Variants in FOXO3 observed in about 807,000 individuals in gnomAD.
FOXO3 encodes the protein forkhead box protein O3.
FOXO3 carries 4 observed loss-of-function variants against 41.9 expected under a neutral mutation model. The ratio of observed to expected loss-of-function variants is 0.10; its 90% CI spans 0.05 to 0.22. FOXO3 has a LOEUF of 0.22. Ranked by LOEUF, FOXO3 falls within the 10% of genes least tolerant of loss-of-function variation. The pLI, the probability that FOXO3 is intolerant of heterozygous loss-of-function variation, is 1.00. For synonymous variants in FOXO3, 318 were observed against 389.3 expected (o/e 0.82, Z 2.16); for missense variants, 534 against 906.8 (o/e 0.59, Z 5.28).
chr6:108,653,543 A>C (rs4946932), intron 1 of FOXO3, among the ~76,000 whole-genome samples: 83,889 of 151,944 alleles, frequency 0.55, 26,169 homozygotes, highest in East Asian at 0.69. Flanking sequence ...TTTGGTCCTC[A>C]GGGTCTGCGA....
At chr6:108,650,175 G>GTAA in intron 1 of FOXO3, among the ~76,000 whole-genome samples, 1 of 152,276 alleles carries the variant, frequency 6.6e-6, no homozygotes, top group South Asian at 2.1e-4. Context: ...AAGGTCAGGG[G>GTAA]TCCTGCATCC....
chr6:108,618,361 G>A, intron 1 of FOXO3: 1 of 545,188 alleles, frequency 1.8e-6, no homozygotes, highest in Non-Finnish European at 3.4e-6. Context: ...CACATGAGCA[G>A]CACCAGGAGC....
At chr6:108,650,285 A>T (rs1778512125) in intron 1 of FOXO3, among the ~76,000 whole-genome samples, 1 of 151,486 alleles carries the variant, frequency 6.6e-6, no homozygotes, top group African/African-American at 2.4e-5. Context: ...TCACCCTCCA[A>T]CTCTCCACCG....
chr6:108,624,975 T>G (rs1467393685), intron 1 of FOXO3, among the ~76,000 whole-genome samples: 1 of 152,070 alleles, frequency 6.6e-6, no homozygotes, highest in Non-Finnish European at 1.5e-5. Flanking sequence ...AGAGATGGGA[T>G]ATTGCTTTGT....
chr6:108,596,880 G>A (rs1019301582), intron 1 of FOXO3, among the ~76,000 whole-genome samples: 1 of 152,148 alleles, frequency 6.6e-6, no homozygotes, highest in South Asian at 2.1e-4. Context: ...AGCTCAAAGG[G>A]ATGCTTTTTT....
At chr6:108,669,648 A>G (rs1425397772) in intron 2 of FOXO3, among the ~76,000 whole-genome samples, 1 of 152,186 alleles carries the variant, frequency 6.6e-6, no homozygotes, top group East Asian at 1.9e-4. Context: ...GGATCTTTTT[A>G]GTGTCGATGA....
At chr6:108,622,871 C>T (rs1437927363) in intron 1 of FOXO3, among the ~76,000 whole-genome samples, 3 of 150,464 alleles carry the variant, frequency 2.0e-5, no homozygotes, top group Non-Finnish European at 2.9e-5. Flanking sequence ...CTGTGGCTCT[C>T]GTTCAGGCAT....
At chr6:108,666,965 AG>A (rs1229100754) in intron 2 of FOXO3, among the ~76,000 whole-genome samples, 1 of 152,158 alleles carries the variant, frequency 6.6e-6, no homozygotes, top group Non-Finnish European at 1.5e-5. Context: ...GGGAATTCAA[AG>A]CTGTAAAAAC....
chr6:108,643,996 T>C lies in FOXO3; in HGVS notation c.622-19459T>C, dbSNP rs189348480. ...TTCCTGTGGCCGTTGTTACCCAGTG[T>C]AGTCGTAGAGCCTGTAGGATTGTTT... is the stretch of plus-strand genomic sequence containing the variant. On this transcript the variant is annotated intron_variant, in intron 1 of 2. Coordinates refer to ENST00000406360, the MANE Select transcript of FOXO3 (RefSeq NM_001455.4). Among the ~76,000 whole-genome samples the C allele has an allele frequency of 3.2e-3, 487 of 152,362 alleles. 7 individuals are homozygous for C. Among genetic ancestry groups the C allele is most frequent in the South Asian group, 1.0e-3 (5 of 4,832 alleles).
intron 1 of FOXO3, among the ~76,000 whole-genome samples, chr6:108,649,261 A>G (rs181640528): frequency 1.3e-5 from 2 of 152,240 alleles, no homozygotes; most frequent in East Asian, 1.9e-4. Flanking sequence ...ATCTTAAATC[A>G]TTTGTAATAG....
intron 1 of FOXO3, among the ~76,000 whole-genome samples, chr6:108,658,797 A>G (rs1203869412): frequency 3.3e-5 from 5 of 152,252 alleles, no homozygotes; most frequent in African/African-American, 1.2e-4. Context: ...AAAGAAAGAC[A>G]AGTAAGTCCT....
chr6:108,673,543 T>C (rs1770442255), intron 2 of FOXO3, among the ~76,000 whole-genome samples: 1 of 152,240 alleles, frequency 6.6e-6, no homozygotes, highest in South Asian at 2.1e-4. Flanking sequence ...ACTAGCTGAT[T>C]CTGTGTTTTC....
At chr6:108,571,778 C>T (rs1220456822) in intron 1 of FOXO3, among the ~76,000 whole-genome samples, 5 of 152,090 alleles carry the variant, frequency 3.3e-5, no homozygotes. Context: ...TTGTTTTAAG[C>T]CCTGAAATTC....
intron 1 of FOXO3, among the ~76,000 whole-genome samples, chr6:108,576,062 T>G (rs1776253589): frequency 6.6e-6 from 1 of 152,226 alleles, no homozygotes; most frequent in African/African-American, 2.4e-5. Flanking sequence ...CTTAAGCTCA[T>G]GATAGATAAT....
At chr6:108,580,183 A>ATTTTTTTTTTTTTT (rs11395032) in intron 1 of FOXO3, among the ~76,000 whole-genome samples, 1 of 93,072 alleles carries the variant, frequency 1.1e-5, no homozygotes, top group African/African-American at 4.2e-5. Flanking sequence ...GCTCTTCTTC[A>ATTTTTTTTTTTTTT]TTTTTTTTTT....
chr6:108,569,910 G>A (rs753839162), intron 1 of FOXO3, among the ~76,000 whole-genome samples: 6 of 149,658 alleles, frequency 4.0e-5, no homozygotes, highest in African/African-American at 9.9e-5. Flanking sequence ...TTTTCAGTAC[G>A]TGTTTAGGAA....
At chr6:108,569,179 G>T (rs941140580) in intron 1 of FOXO3, among the ~76,000 whole-genome samples, 1 of 152,218 alleles carries the variant, frequency 6.6e-6, no homozygotes, top group Non-Finnish European at 1.5e-5. Context: ...TATGAAAGGA[G>T]AGGAGATAGC....
At chr6:108,606,984 A>G (rs764060624) in intron 1 of FOXO3, among the ~76,000 whole-genome samples, 12 of 152,144 alleles carry the variant, frequency 7.9e-5, no homozygotes, top group Admixed American at 2.6e-4. Context: ...AAACAAATGA[A>G]CCCTTGGGAT....
chr6:108,574,152 CAAA>C (rs1200932714), intron 1 of FOXO3, among the ~76,000 whole-genome samples: 8 of 72,786 alleles, frequency 1.1e-4, no homozygotes, highest in Admixed American at 2.7e-4. Flanking sequence ...GACTCTGTCT[CAAA>C]AAAAAAAAAA....
Sources: allele counts gnomAD v4.1 joint callset (sites outside exome capture counted in the v4.1 genomes callset), GRCh38; gene constraint gnomAD v4.1.1; transcripts MANE v1.5; gene names NCBI Gene and HGNC (gene_info 2026-07-23, HGNC 2026-07-21).